Variants in UST observed in about 807,000 individuals in gnomAD.
UST encodes the protein chondroitin sulfate 2-O-sulfotransferase.
UST carries 21 observed loss-of-function variants against 45.6 expected under a neutral mutation model. The observed-to-expected ratio is 0.46, with a 90% CI of 0.33 to 0.66. UST has a LOEUF of 0.66. UST is among the 30% of genes least tolerant of loss of function. The pLI, the probability that UST is intolerant of heterozygous loss-of-function variation, is 0.02. For synonymous variants in UST, 215 were observed against 200.6 expected (o/e 1.07, Z -0.61); for missense variants, 463 against 512.4 (o/e 0.90, Z 0.93).
chr6:148,869,822 A>C (rs760905986), intron 1 of UST, among the ~76,000 whole-genome samples: 1 of 152,186 alleles, frequency 6.6e-6, no homozygotes, highest in Non-Finnish European at 1.5e-5. Flanking sequence ...TTCTCTGTCA[A>C]ACATAGGATT....
At chr6:149,022,671 T>G (rs527599469) in intron 7 of UST, among the ~76,000 whole-genome samples, 1 of 152,264 alleles carries the variant, frequency 6.6e-6, no homozygotes, top group East Asian at 1.9e-4. Context: ...TGCCTCACAT[T>G]CCACAGGGTT....
At chr6:148,928,037 G>T (rs781006019) in intron 2 of UST, among the ~76,000 whole-genome samples, 1 of 152,214 alleles carries the variant, frequency 6.6e-6, no homozygotes, top group Admixed American at 6.5e-5. Flanking sequence ...GTCACTGGTG[G>T]AGGATGAGCT....
chr6:148,797,776 A>G (rs1316994077), intron 1 of UST, among the ~76,000 whole-genome samples: 1 of 152,136 alleles, frequency 6.6e-6, no homozygotes, highest in African/African-American at 2.4e-5. Context: ...CAGTTCAGAC[A>G]AGAAGAACAA....
chr6:148,856,039 C>T (rs1338972774), intron 1 of UST, among the ~76,000 whole-genome samples: 3 of 151,414 alleles, frequency 2.0e-5, no homozygotes, highest in Non-Finnish European at 2.9e-5. Context: ...CGTTTTGAGA[C>T]GGAGTTTCAC....
At chr6:148,883,523 G>A (rs1418803937) in intron 1 of UST, among the ~76,000 whole-genome samples, 1 of 152,172 alleles carries the variant, frequency 6.6e-6, no homozygotes, top group Non-Finnish European at 1.5e-5. Flanking sequence ...GAATAGAAAT[G>A]ACAGTAACAA....
In UST at chr6:149,044,231, TC is replaced by T. The variant is rs1776365437; in HGVS notation, c.937+22753del. Among the ~76,000 whole-genome samples, 10 of 152,312 alleles carry T rather than the reference TC, an allele frequency of 6.6e-5. 1 individual carries two copies. The South Asian group carries it at 2.1e-3, about 32-fold the overall frequency. Reference sequence around the variant, plus strand: ...TTTCATGAGGGTTTTGCTAAACATTTCCCTCTGTTCAGCCTGAGACTTCTAC... The same window carrying T: ...TTTCATGAGGGTTTTGCTAAACATTTCCTCTGTTCAGCCTGAGACTTCTAC... On this transcript the variant is annotated intron_variant, in intron 7 of 7. Transcript: ENST00000367463.
At chr6:149,035,023 G>A (rs889681785) in intron 7 of UST, among the ~76,000 whole-genome samples, 5 of 151,988 alleles carry the variant, frequency 3.3e-5, no homozygotes, top group African/African-American at 1.2e-4. Flanking sequence ...TTAACATTTT[G>A]TTTCTTTGAT....
intron 5 of UST, among the ~76,000 whole-genome samples, chr6:148,968,204 C>T (rs1163564541): frequency 9.2e-5 from 14 of 152,222 alleles, no homozygotes; most frequent in Admixed American, 9.2e-4. Flanking sequence ...ATCGTCTCTC[C>T]ATCTTTACAA....
intron 1 of UST, among the ~76,000 whole-genome samples, chr6:148,821,079 C>T (rs551109913): frequency 6.9e-6 from 1 of 144,732 alleles, no homozygotes; most frequent in South Asian, 2.3e-4. Flanking sequence ...AAGCAATTCT[C>T]CTGCCTCAGC....
intron 1 of UST, among the ~76,000 whole-genome samples, chr6:148,855,963 T>C (rs1778196237): frequency 6.6e-6 from 1 of 152,188 alleles, no homozygotes; most frequent in Admixed American, 6.5e-5. Flanking sequence ...TGATCAATTC[T>C]AACTTTTTAC....
intron 1 of UST, among the ~76,000 whole-genome samples, chr6:148,825,571 G>C (rs899959518): frequency 2.6e-5 from 4 of 152,204 alleles, no homozygotes; most frequent in Admixed American, 6.5e-5. Flanking sequence ...GAGTTCACAA[G>C]CTATCTGAAA....
At position 149,075,066 on chromosome 6, in the gene UST, G is replaced by T. The variant is rs1485112076; in HGVS notation, c.*950G>T. On this transcript the variant is annotated 3_prime_UTR_variant, in exon 8 of 8. Coordinates refer to ENST00000367463, the MANE Select transcript of UST (RefSeq NM_005715.3). Reference sequence around the variant, plus strand: ...GACAGATAAATCTGAAGGTCATGTGGCATCAGGGAAAGGGCATGGCTGTGT... The same window carrying T: ...GACAGATAAATCTGAAGGTCATGTGTCATCAGGGAAAGGGCATGGCTGTGT... The T allele has an allele frequency of 6.6e-6, 1 of 152,228 alleles. No homozygotes were observed. The highest frequency in any genetic ancestry group is 2.4e-5 in the African/African-American group (1 of 41,444). 9.4% of individuals were successfully genotyped at this position (152,228 alleles called of 1,614,324 possible).
chr6:148,892,189 G>A (rs62426110), intron 2 of UST, among the ~76,000 whole-genome samples: 32,124 of 152,088 alleles, frequency 0.21, 4,146 homozygotes, highest in African/African-American at 0.35. Context: ...CTGACGTTTC[G>A]TTTCCATGAT....
Position 148,747,687 on chromosome 6 carries a change from C to CT in UST, c.247+11dup, listed in dbSNP as rs747785804. ...CTGCGGCAGTACTTGGGTAAGGAAG[C>CT]TGGGCAGGCGCTAGGGCGGCGCCGA... On this transcript the variant is annotated intron_variant, in intron 1 of 7. Transcript: ENST00000367463. 6.3e-7 allele frequency: 1 copy of CT among 1,589,426 alleles called. No individual in the cohort carries two copies. Among genetic ancestry groups the CT allele is most frequent in the Admixed American group, 1.7e-5 (1 of 57,376 alleles).
At chr6:149,063,159 A>G (rs541269612) in intron 7 of UST, among the ~76,000 whole-genome samples, 42 of 152,292 alleles carry the variant, frequency 2.8e-4, no homozygotes, top group Middle Eastern at 6.8e-3. Context: ...CTGGAAGTCT[A>G]TCCCCCTGTG....
intron 5 of UST, among the ~76,000 whole-genome samples, chr6:148,965,484 C>T (rs941831603): frequency 6.6e-6 from 1 of 152,156 alleles, no homozygotes; most frequent in African/African-American, 2.4e-5. Flanking sequence ...GCTGGAAGAT[C>T]GCCCAGAGCT....
chr6:149,030,010 A>G (rs1238761830), intron 7 of UST, among the ~76,000 whole-genome samples: 1 of 152,108 alleles, frequency 6.6e-6, no homozygotes, highest in African/African-American at 2.4e-5. Flanking sequence ...TAAGTTTCTA[A>G]GTCATAATTA....
intron 1 of UST, among the ~76,000 whole-genome samples, chr6:148,873,440 C>T (rs1013098639): frequency 6.6e-5 from 10 of 152,094 alleles, no homozygotes; most frequent in Non-Finnish European, 1.2e-4. Flanking sequence ...CCTCGATGGG[C>T]GAGGGACACT....
chr6:148,792,486 G>C (rs1379882206), intron 1 of UST, among the ~76,000 whole-genome samples: 1 of 152,112 alleles, frequency 6.6e-6, no homozygotes, highest in African/African-American at 2.4e-5. Context: ...AGACAACTTT[G>C]AAAAATCTTC....
Sources: allele counts gnomAD v4.1 joint callset (sites outside exome capture counted in the v4.1 genomes callset), GRCh38; gene constraint gnomAD v4.1.1; transcripts MANE v1.5; gene names NCBI Gene and HGNC (gene_info 2026-07-23, HGNC 2026-07-21).